Variants in RGS7 observed in about 807,000 individuals in gnomAD.
RGS7 encodes regulator of G-protein signaling 7.
RGS7 carries 27 observed loss-of-function variants against 81.1 expected under a neutral mutation model. The ratio of observed to expected loss-of-function variants is 0.33; its 90% CI spans 0.25 to 0.46. The LOEUF (loss-of-function observed/expected upper bound fraction) is 0.46, where lower values mean the gene tolerates loss of function less well. Among genes scored for constraint, RGS7 ranks in the 20% least tolerant of loss-of-function variants. The pLI is 1.00. For synonymous variants in RGS7, 208 were observed against 207.7 expected (o/e 1.00, Z -0.01); for missense variants, 396 against 607.4 (o/e 0.65, Z 3.66).
intron 2 of RGS7, among the ~76,000 whole-genome samples, chr1:241,217,329 T>C (rs1359835946): frequency 1.3e-5 from 2 of 152,134 alleles, no homozygotes; most frequent in African/African-American, 4.8e-5. Flanking sequence ...TTCAGAACTG[T>C]GAGAAAATAA....
chr1:241,147,780 T>TTTTATATATATATATATATATATATA (rs1428939736), intron 2 of RGS7, among the ~76,000 whole-genome samples: 2 of 44,646 alleles, frequency 4.5e-5, no homozygotes, highest in African/African-American at 6.5e-5. Flanking sequence ...AGATTAAGTT[T>TTTTATATATATATATATATATATATA]TATATATATA....
chr1:241,295,993 T>C (rs1181333375), intron 2 of RGS7, among the ~76,000 whole-genome samples: 1 of 152,206 alleles, frequency 6.6e-6, no homozygotes, highest in Admixed American at 6.5e-5. Context: ...AGGAAGAATA[T>C]GTGCAGCTTA....
intron 3 of RGS7, among the ~76,000 whole-genome samples, chr1:241,025,184 T>A (rs994920050): frequency 6.6e-6 from 1 of 152,328 alleles, no homozygotes; most frequent in South Asian, 2.1e-4. Context: ...TTGAGGATAC[T>A]AGCTTTCAAG....
At chr1:240,983,889 A>G (rs1685285665) in intron 3 of RGS7, among the ~76,000 whole-genome samples, 1 of 152,248 alleles carries the variant, frequency 6.6e-6, no homozygotes, top group South Asian at 2.1e-4. Context: ...TGATGAATAC[A>G]AAGTATGAGC....
intron 3 of RGS7, among the ~76,000 whole-genome samples, chr1:241,059,976 A>G (rs1476044389): frequency 2.0e-5 from 3 of 151,266 alleles, no homozygotes; most frequent in Non-Finnish European, 4.4e-5. Context: ...GTCAATTACC[A>G]AATTCCATCA....
At chr1:241,183,147 C>T (rs1311870736) in intron 2 of RGS7, among the ~76,000 whole-genome samples, 4 of 152,170 alleles carry the variant, frequency 2.6e-5, no homozygotes, top group African/African-American at 9.7e-5. Flanking sequence ...ATACCACTCT[C>T]ATTGCTTGGA....
chr1:240,953,833 C>G (rs1388497207), intron 4 of RGS7, among the ~76,000 whole-genome samples: 1 of 151,822 alleles, frequency 6.6e-6, no homozygotes, highest in African/African-American at 2.4e-5. Context: ...TGTAAAAGGT[C>G]AACAAAATTG....
At chr1:241,220,970 G>GAAGAAAGAAAGAGAGAGAGA (rs1558202778) in intron 2 of RGS7, among the ~76,000 whole-genome samples, 38 of 93,126 alleles carry the variant, frequency 4.1e-4, no homozygotes, top group Admixed American at 2.8e-3. Flanking sequence ...AGGAAGGAAG[G>GAAGAAAGAAAGAGAGAGAGA]AAGGAAGGAA....
chr1:240,829,194 A>C (rs1026155196), intron 9 of RGS7, among the ~76,000 whole-genome samples: 4 of 152,142 alleles, frequency 2.6e-5, no homozygotes, highest in Non-Finnish European at 5.9e-5. Flanking sequence ...CACACACTGT[A>C]CTACAAACAT....
intron 3 of RGS7, among the ~76,000 whole-genome samples, chr1:240,996,021 T>A (rs1036652685): frequency 1.3e-5 from 2 of 152,086 alleles, no homozygotes; most frequent in African/African-American, 4.8e-5. Flanking sequence ...TTTTATTGTT[T>A]TTTTTTTATT....
chr1:241,075,548 A>C (rs571480078), intron 3 of RGS7, among the ~76,000 whole-genome samples: 2 of 152,174 alleles, frequency 1.3e-5, no homozygotes, highest in African/African-American at 4.8e-5. Flanking sequence ...AAGAAGAAGA[A>C]TTGTCTTGGG....
intron 9 of RGS7, among the ~76,000 whole-genome samples, chr1:240,862,639 A>G (rs1558372114): frequency 6.6e-6 from 1 of 152,200 alleles, no homozygotes; most frequent in Non-Finnish European, 1.5e-5. Context: ...TGCTGTTAGG[A>G]TAACTCCATT....
At chr1:241,051,092 G>A (rs1413475646) in intron 3 of RGS7, among the ~76,000 whole-genome samples, 1 of 152,136 alleles carries the variant, frequency 6.6e-6, no homozygotes, top group Non-Finnish European at 1.5e-5. Context: ...GTGGGTCTGG[G>A]TGCCTGTCCA....
chr1:241,231,164 T>A (rs2341689), intron 2 of RGS7, among the ~76,000 whole-genome samples: 16,215 of 152,142 alleles, frequency 0.11, 1,154 homozygotes, highest in East Asian at 0.3. Context: ...TACAATATAC[T>A]GTGAAACTGG....
intron 3 of RGS7, among the ~76,000 whole-genome samples, chr1:241,054,107 T>C (rs1298899482): frequency 6.6e-6 from 1 of 152,158 alleles, no homozygotes; most frequent in Non-Finnish European, 1.5e-5. Context: ...CTGACAGTAA[T>C]AAAATAAGTA....
intron 6 of RGS7, among the ~76,000 whole-genome samples, chr1:240,914,690 C>T (rs1270062330): frequency 6.6e-6 from 1 of 152,168 alleles, no homozygotes; most frequent in Non-Finnish European, 1.5e-5. Flanking sequence ...CAAACATCTG[C>T]TCTCTGGAGT....
intron 3 of RGS7, among the ~76,000 whole-genome samples, chr1:240,992,226 G>A (rs11811636): frequency 0.045 from 6,879 of 152,266 alleles, 220 homozygotes; most frequent in South Asian, 0.1. Context: ...AGCTCAGGCC[G>A]GGCGCGTTGG....
intron 6 of RGS7, among the ~76,000 whole-genome samples, chr1:240,873,441 A>G (rs1271957819): frequency 6.6e-6 from 1 of 152,222 alleles, no homozygotes; most frequent in African/African-American, 2.4e-5. Flanking sequence ...ACAGGAGGCT[A>G]TGCCACTAAG....
chr1:240,966,045 G>T (rs1682246814), intron 4 of RGS7, among the ~76,000 whole-genome samples: 1 of 152,162 alleles, frequency 6.6e-6, no homozygotes, highest in Non-Finnish European at 1.5e-5. Context: ...AAATATCTCA[G>T]TGGAGCAATT....
Sources: allele counts gnomAD v4.1 joint callset (sites outside exome capture counted in the v4.1 genomes callset), GRCh38; gene constraint gnomAD v4.1.1; transcripts MANE v1.5; gene names NCBI Gene and HGNC (gene_info 2026-07-23, HGNC 2026-07-21).